The following RABGAP1 variants were observed in gnomAD, a reference collection of about 807,000 sequenced individuals.
The protein encoded by RABGAP1 is RAB GTPase activating protein 1, also known as rab GTPase-activating protein 1.
A neutral mutation model predicts 137.6 loss-of-function variants in RABGAP1; 23 were observed. That is an observed-to-expected ratio of 0.17 (90% confidence interval 0.12 to 0.24). The LOEUF is 0.24. RABGAP1 is among the 10% of genes least tolerant of loss of function. The pLI, the probability that RABGAP1 is intolerant of heterozygous loss-of-function variation, is 1.00. For synonymous variants in RABGAP1, 451 were observed against 450.7 expected (o/e 1.00, Z -0.01); for missense variants, 906 against 1,275.8 (o/e 0.71, Z 4.42).
At chr9:123,078,469 G>A (rs1226472301) in intron 19 of RABGAP1, among the ~76,000 whole-genome samples, 3 of 152,112 alleles carry the variant, frequency 2.0e-5, no homozygotes, top group Non-Finnish European at 4.4e-5. Context: ...TCCAAGAAAT[G>A]ATGGCTACGA....
intron 2 of RABGAP1, among the ~76,000 whole-genome samples, chr9:122,981,042 G>GTTGTTC (rs1265962062): frequency 6.6e-6 from 1 of 151,970 alleles, no homozygotes; most frequent in African/African-American, 2.4e-5. Flanking sequence ...TGTTGTTGTT[G>GTTGTTC]TTGTTGTTCT....
At chr9:123,103,017 C>T in intron 25 of RABGAP1, 74 bp from the exon 26 acceptor site, 1 of 1,545,016 alleles carries the variant, frequency 6.5e-7, no homozygotes, top group Non-Finnish European at 8.7e-7. Flanking sequence ...GCATTCTTGT[C>T]TTGGTTCTCC....
chr9:122,974,246 G>A (rs1464458757), intron 2 of RABGAP1, among the ~76,000 whole-genome samples: 1 of 152,004 alleles, frequency 6.6e-6, no homozygotes, highest in Non-Finnish European at 1.5e-5. Context: ...GAAAGGTTAT[G>A]TGTAGTAGGT....
chr9:123,023,569 T>A (rs973524337), intron 13 of RABGAP1, among the ~76,000 whole-genome samples: 1 of 152,148 alleles, frequency 6.6e-6, no homozygotes, highest in South Asian at 2.1e-4. Context: ...TTTGAGAGTG[T>A]ATCAGTAGCT....
intron 24 of RABGAP1, among the ~76,000 whole-genome samples, 183 bp from the exon 25 acceptor site, chr9:123,101,383 G>T (rs995465565): frequency 6.6e-6 from 1 of 151,964 alleles, no homozygotes; most frequent in Non-Finnish European, 1.5e-5. Context: ...ATTATTTTTG[G>T]TGTATAATAC....
At chr9:123,073,489 C>T in intron 15 of RABGAP1, 63 bp from the exon 16 acceptor site, 1 of 1,555,346 alleles carries the variant, frequency 6.4e-7, no homozygotes, top group Non-Finnish European at 8.7e-7. Context: ...GAGAAAACTT[C>T]TGTATGTTTT....
rs931181832 is a variant in RABGAP1 at position 123,035,154 on chromosome 9, G to T, written c.1794+14695G>T. ...ACTCCTACTTCACCCTGTTCATCGT[G>T]ATGATGTTATATGCCCCAGCAGCCC... On this transcript the variant is annotated intron_variant, in intron 13 of 25. Transcript: ENST00000373647. The T allele has an allele frequency of 1.9e-6, 3 of 1,614,028 alleles. No homozygotes were observed. The African/African-American group carries it at 4.0e-5, about 22-fold the overall frequency.
intron 17 of RABGAP1, 137 bp downstream of exon 17, chr9:123,074,565 G>A: frequency 1.0e-6 from 1 of 1,001,590 alleles, no homozygotes; most frequent in Non-Finnish European, 1.4e-6. Flanking sequence ...GGAAATCTAG[G>A]TTTAAGTGAC....
chr9:123,009,363 T>C (rs1197206464), intron 10 of RABGAP1, among the ~76,000 whole-genome samples: 1 of 152,208 alleles, frequency 6.6e-6, no homozygotes, highest in East Asian at 1.9e-4. Flanking sequence ...AGAACCCAAA[T>C]GAACATTGCA....
rs202090815 is a variant in RABGAP1, at chr9:122,945,147, C to CTTTTTTTTTTTTTTTTTTTTTTTT, written c.-50+4070_-50+4071insTTTTTTTTTTTTTTTTTTTTTTTT. Among the ~76,000 whole-genome samples the CTTTTTTTTTTTTTTTTTTTTTTTT allele has an allele frequency of 4.0e-3, 300 of 75,778 alleles. 104 individuals are homozygous for CTTTTTTTTTTTTTTTTTTTTTTTT. Among genetic ancestry groups the CTTTTTTTTTTTTTTTTTTTTTTTT allele is most frequent in the Non-Finnish European group, 6.0e-3 (210 of 34,986 alleles). 49.7% of individuals were successfully genotyped at this position (75,778 alleles called of 152,430 possible). A position where few individuals can be genotyped will look rare whatever the true frequency, so the allele number is the denominator to read the frequency against. ...CACCATGTATACATCATAGCTGTTG[C>CTTTTTTTTTTTTTTTTTTTTTTTT]TTTTTTTTTTTTTTTTAGCATAAAC... On this transcript the variant is annotated intron_variant, in intron 1 of 25. Transcript: ENST00000373647.
At chr9:123,059,251 T>C (rs2033869011) in intron 13 of RABGAP1, among the ~76,000 whole-genome samples, 1 of 152,006 alleles carries the variant, frequency 6.6e-6, no homozygotes, top group Admixed American at 6.6e-5. Flanking sequence ...CCCCCAAAAT[T>C]CATATGTTAA....
At chr9:123,035,371 A>G (rs753478224) in intron 13 of RABGAP1, 4 of 1,614,018 alleles carry the variant, frequency 2.5e-6, no homozygotes, top group Non-Finnish European at 3.4e-6. Flanking sequence ...GTTGCCATAT[A>G]TCATCTACTT....
intron 19 of RABGAP1, among the ~76,000 whole-genome samples, chr9:123,077,558 T>C (rs1185162297): frequency 6.6e-6 from 1 of 152,192 alleles, no homozygotes; most frequent in Non-Finnish European, 1.5e-5. Flanking sequence ...ATTCGCACAA[T>C]TTTTTTAAAA....
chr9:122,987,362 A>G (rs1181932559), intron 4 of RABGAP1, among the ~76,000 whole-genome samples: 1 of 152,214 alleles, frequency 6.6e-6, no homozygotes, highest in African/African-American at 2.4e-5. Context: ...ACATAAAAAT[A>G]GCCTTAATTC....
In RABGAP1 at chr9:123,034,756, A is replaced by G. The variant is rs148491998; in HGVS notation, c.1794+14297A>G. The G allele has an allele frequency of 6.6e-5, 107 of 1,613,768 alleles. 1 individual carries two copies. The highest frequency in any genetic ancestry group is 4.9e-4 in the Middle Eastern group (3 of 6,084). ...TGCACCTTTGTTGAACCATCACACT[A>G]CAAGTTATTTTATCCAGACTATGGC... On this transcript the variant is annotated intron_variant, in intron 13 of 25. Coordinates refer to ENST00000373647, the MANE Select transcript of RABGAP1 (RefSeq NM_012197.4).
At chr9:122,997,014 AT>A in intron 8 of RABGAP1, 1 of 592,336 alleles carries the variant, frequency 1.7e-6, no homozygotes. Context: ...TCAACATTGG[AT>A]TTAGGTTGTG....
At chr9:122,970,352 C>T (rs539210700) in intron 2 of RABGAP1, among the ~76,000 whole-genome samples, 2 of 152,220 alleles carry the variant, frequency 1.3e-5, no homozygotes, top group South Asian at 4.1e-4. Flanking sequence ...GAGGATTGCT[C>T]AAAGCCAGGA....
chr9:122,973,976 C>T (rs1835617675), intron 2 of RABGAP1, among the ~76,000 whole-genome samples: 1 of 150,770 alleles, frequency 6.6e-6, no homozygotes, highest in African/African-American at 2.4e-5. Context: ...CACTGCACTC[C>T]AGCCTGGGCG....
intron 14 of RABGAP1, among the ~76,000 whole-genome samples, chr9:123,068,348 CAA>C (rs998962006): frequency 3.2e-4 from 21 of 66,518 alleles, no homozygotes; most frequent in African/African-American, 3.0e-4. Flanking sequence ...GACTCCATCT[CAA>C]AAAAAAAAAA....
Sources: gnomAD v4.1 joint callset for allele counts (sites outside exome capture counted in the v4.1 genomes callset) on GRCh38, gnomAD v4.1.1 for gene constraint, MANE v1.5 for transcripts, NCBI Gene and HGNC (gene_info 2026-07-23, HGNC 2026-07-21) for gene names.